Variants in QTRT2 observed in about 807,000 individuals in gnomAD.
QTRT2 encodes the protein queuine tRNA-ribosyltransferase domain containing 1.
In QTRT2, 32 loss-of-function variants were observed where a neutral mutation model predicts 44.8. The observed-to-expected ratio is 0.71, with a 90% confidence interval of 0.54 to 0.96. QTRT2 has a LOEUF of 0.96. Ranked by LOEUF, QTRT2 falls within the 40% of genes least tolerant of loss-of-function variation. The pLI, the probability that QTRT2 is intolerant of heterozygous loss-of-function variation, is 0.00. For synonymous variants in QTRT2, 182 were observed against 187.4 expected (o/e 0.97, Z 0.24); for missense variants, 461 against 503.1 (o/e 0.92, Z 0.80).
In QTRT2 at chr3:114,070,022, A is replaced by G. The variant is rs570942793; in HGVS notation, c.334-604A>G. On this transcript the variant is annotated intron_variant, in intron 5 of 9. Transcript: ENST00000281273. ...TCTATAAAGAAATAAATACAAATTG[A>G]TGTAAGAGCATAGAGGAGTGAGTGA... is the stretch of plus-strand genomic sequence containing the variant. 5.3e-5 allele frequency among the ~76,000 whole-genome samples: 8 copies of G among 152,336 alleles called. No individual in the cohort carries two copies. In the South Asian group the frequency reaches 1.7e-3, roughly 32 times the overall value.
At chr3:114,061,503 CCT>C (rs1047778204) in intron 2 of QTRT2, among the ~76,000 whole-genome samples, 9 of 152,130 alleles carry the variant, frequency 5.9e-5, no homozygotes, top group Non-Finnish European at 2.9e-5. Flanking sequence ...TCTTTGAGCC[CCT>C]GTGTAATTCT....
At chr3:114,069,766 C>T (rs1258456110) in intron 5 of QTRT2, among the ~76,000 whole-genome samples, 2 of 152,062 alleles carry the variant, frequency 1.3e-5, no homozygotes, top group South Asian at 2.1e-4. Flanking sequence ...TGCCCAGTAA[C>T]GGGATTGCTG....
Position 114,086,078 on chromosome 3 carries a change from C to G in QTRT2, c.*174C>G. 7 of 592,560 alleles carry G rather than the reference C, an allele frequency of 1.2e-5. No individual in the cohort carries two copies. 36.7% of individuals were successfully genotyped at this position (592,560 alleles called of 1,614,324 possible). On this transcript the variant is annotated 3_prime_UTR_variant, in exon 10 of 10. Transcript: ENST00000281273. ...CCACATGAGGGTGAAGAGATTTCCT[C>G]AAAAGACTTAAATGACCTGGATTGA... is the stretch of plus-strand genomic sequence containing the variant.
At chr3:114,070,885 C>A in intron 6 of QTRT2, 47 bp downstream of exon 6, 4 of 1,489,184 alleles carry the variant, frequency 2.7e-6, no homozygotes, top group Non-Finnish European at 3.7e-6. Context: ...ACTCTTGCCT[C>A]CCTTACATTC....
chr3:114,060,203 G>A (rs866266538), intron 2 of QTRT2, among the ~76,000 whole-genome samples: 4 of 152,158 alleles, frequency 2.6e-5, no homozygotes, highest in East Asian at 1.9e-4. Context: ...CTTGAGACTC[G>A]TTTGTTAAAA....
chr3:114,071,624 C>CT (rs1215116712), intron 6 of QTRT2, among the ~76,000 whole-genome samples: 2 of 152,048 alleles, frequency 1.3e-5, no homozygotes, highest in Non-Finnish European at 2.9e-5. Context: ...TTCAAGACTC[C>CT]TTTTTTTCAT....
Position 114,056,763 on chromosome 3 carries a change from G to C in QTRT2, c.-231G>C, listed in dbSNP as rs924476298. 4 of 1,471,888 alleles carry C rather than the reference G, an allele frequency of 2.7e-6. No individual in the cohort carries two copies. The East Asian group carries it at 9.9e-5, about 36-fold the overall frequency. The allele number at this position is 1,471,888 out of a possible 1,614,324, so 91.2% of individuals were successfully genotyped here. A position where few individuals can be genotyped will look rare whatever the true frequency, so the allele number is the denominator to read the frequency against. On this transcript the variant is annotated 5_prime_UTR_variant, in exon 1 of 10. Transcript: ENST00000281273. The stretch of plus-strand genomic sequence containing the variant: ...GTACTCCCTGATTGGCTCTGCACTG[G>C]AGGCAGTGATTTTGGGGCAGAGAAT...
chr3:114,065,120 G>C, intron 2 of QTRT2, 117 bp from the exon 3 acceptor site: 1 of 671,884 alleles, frequency 1.5e-6, no homozygotes, highest in Non-Finnish European at 2.6e-6. Context: ...TATTTAGACT[G>C]GAAGCAGTAA....
At chr3:114,076,528 T>C (rs976184234) in intron 6 of QTRT2, among the ~76,000 whole-genome samples, 11 of 152,206 alleles carry the variant, frequency 7.2e-5, no homozygotes, top group African/African-American at 2.7e-4. Flanking sequence ...TTTTCCTCAG[T>C]CTTTTCTTAC....
chr3:114,083,471 G>T lies in QTRT2; in HGVS notation c.1016+677G>T, dbSNP rs558945486. Among the ~76,000 whole-genome samples, 5 of 152,248 alleles carry T rather than the reference G, an allele frequency of 3.3e-5. 1 individual carries two copies. In the South Asian group the frequency reaches 1.0e-3, roughly 32 times the overall value. On this transcript the variant is annotated intron_variant, in intron 9 of 9. Transcript: ENST00000281273. Reference sequence around the variant, plus strand: ...TGCTCAAAAAGTTCTGAATTTTGGAGCATTTCACATTTTAGATTTTCAGAT... The same window carrying T: ...TGCTCAAAAAGTTCTGAATTTTGGATCATTTCACATTTTAGATTTTCAGAT...
intron 2 of QTRT2, among the ~76,000 whole-genome samples, chr3:114,061,671 T>C (rs2076888412): frequency 6.6e-6 from 1 of 152,134 alleles, no homozygotes; most frequent in South Asian, 2.1e-4. Context: ...TCTGCCTCCC[T>C]GGCTTAAGGG....
intron 2 of QTRT2, among the ~76,000 whole-genome samples, chr3:114,058,457 C>T (rs140244262): frequency 1.5e-3 from 223 of 152,314 alleles, no homozygotes; most frequent in African/African-American, 5.2e-3. Context: ...TTATCTCTTT[C>T]CCCCTACCAA....
In QTRT2 at chr3:114,080,043, A is replaced by G; in HGVS notation, c.884A>G (p.Asn295Ser). 6.2e-7 allele frequency: 1 copy of G among 1,608,170 alleles called. No homozygotes were observed. Among genetic ancestry groups the G allele is most frequent in the African/African-American group, 1.3e-5 (1 of 74,702 alleles). Residue 295 changes from asparagine to serine, a missense_variant, in exon 8 of 10, where the codon AAT (asparagine) becomes AGT (serine). Asn to Ser is a conservative substitution (Grantham distance 46, BLOSUM62 1). Transcript: ENST00000281273. ...ALTFSFDYQP[N>S]PEETLLQQNG... The stretch of plus-strand genomic sequence containing the variant: ...ACTTTCAGTTTTGATTACCAGCCGA[A>G]TCCTGAAGAGACACGTAAGTCTTTT...
chr3:114,073,548 T>A (rs1354841663), intron 6 of QTRT2, among the ~76,000 whole-genome samples: 1 of 151,990 alleles, frequency 6.6e-6, no homozygotes, highest in Non-Finnish European at 1.5e-5. Context: ...CCCGGCTAAT[T>A]TCTGTATTTT....
At chr3:114,058,058 A>G (rs1390598461) in intron 2 of QTRT2, among the ~76,000 whole-genome samples, 3 of 152,372 alleles carry the variant, frequency 2.0e-5, no homozygotes, top group East Asian at 3.9e-4. Flanking sequence ...TATCAGCCTC[A>G]GTTTATCATA....
intron 2 of QTRT2, among the ~76,000 whole-genome samples, chr3:114,061,192 T>A (rs988465258): frequency 4.6e-5 from 7 of 152,208 alleles, no homozygotes; most frequent in African/African-American, 1.7e-4. Flanking sequence ...ATTCTGATTC[T>A]ATGCTTGCAT....
rs1456496770 is a variant in QTRT2 at position 114,076,731 on chromosome 3, T to A, written c.547-12T>A. ...GAAAATGGTTAAAAACATATCATCCTTCTTACCTCAGGTTCTTCAGAAGAG... is the reference window on the plus strand; with the variant it reads ...GAAAATGGTTAAAAACATATCATCCATCTTACCTCAGGTTCTTCAGAAGAG... On this transcript the variant is annotated splice_polypyrimidine_tract_variant and intron_variant, in intron 6 of 9. Transcript: ENST00000281273. The A allele has an allele frequency of 6.2e-7, 1 of 1,613,378 alleles. No individual in the cohort carries two copies. Among genetic ancestry groups the A allele is most frequent in the East Asian group, 2.2e-5 (1 of 44,874 alleles).
At chr3:114,072,342 G>A (rs147419420) in intron 6 of QTRT2, among the ~76,000 whole-genome samples, 1 of 152,054 alleles carries the variant, frequency 6.6e-6, no homozygotes, top group African/African-American at 2.4e-5. Flanking sequence ...TAGCTGAGAC[G>A]AGGTTTCACG....
At chr3:114,060,263 C>T (rs2076863206) in intron 2 of QTRT2, among the ~76,000 whole-genome samples, 1 of 152,142 alleles carries the variant, frequency 6.6e-6, no homozygotes, top group Non-Finnish European at 1.5e-5. Context: ...AAGGATGAAA[C>T]TAAGAAGTCT....
Sources: allele counts gnomAD v4.1 joint callset (sites outside exome capture counted in the v4.1 genomes callset), GRCh38; gene constraint gnomAD v4.1.1; transcripts MANE v1.5; gene names NCBI Gene and HGNC (gene_info 2026-07-23, HGNC 2026-07-21).